Variants in LRBA observed in about 807,000 individuals in gnomAD.
LRBA encodes the protein LPS responsive beige-like anchor protein.
LRBA carries 176 observed loss-of-function variants against 330.0 expected under a neutral mutation model. That is an observed-to-expected ratio of 0.53 (90% CI 0.47 to 0.60). LRBA has a LOEUF of 0.60. Among genes scored for constraint, LRBA ranks in the 20% least tolerant of loss-of-function variants. LRBA has a pLI of 0.00. For missense variants in LRBA, 3,259 were observed against 3,444.8 expected, an observed-to-expected ratio of 0.95 and a Z score of 1.35; for synonymous variants, 1,230 against 1,193.0, an observed-to-expected ratio of 1.03 and a Z score of -0.64.
At chr4:150,967,741 T>A (rs777688036) in intron 2 of LRBA, among the ~76,000 whole-genome samples, 5 of 152,220 alleles carry the variant, frequency 3.3e-5, no homozygotes, top group Non-Finnish European at 7.3e-5. Flanking sequence ...TCATTATTAT[T>A]ATATTTGTTA....
At chr4:150,541,562 G>C (rs185333078) in intron 40 of LRBA, among the ~76,000 whole-genome samples, 3 of 150,630 alleles carry the variant, frequency 2.0e-5, no homozygotes, top group Admixed American at 2.0e-4. Flanking sequence ...TTAAAAAATA[G>C]AATAAATGAT....
intron 37 of LRBA, among the ~76,000 whole-genome samples, chr4:150,660,669 C>T (rs1238495311): frequency 1.1e-4 from 15 of 137,262 alleles, no homozygotes; most frequent in South Asian, 1.0e-3. Flanking sequence ...GGATGGTTGC[C>T]GTGTCTGTGT....
chr4:150,564,723 G>T (rs770158354), intron 40 of LRBA, among the ~76,000 whole-genome samples: 1 of 152,078 alleles, frequency 6.6e-6, no homozygotes, highest in Non-Finnish European at 1.5e-5. Context: ...GTGGGCAAAG[G>T]ATATGAACAG....
At chr4:150,974,846 C>T (rs1739972435) in intron 2 of LRBA, among the ~76,000 whole-genome samples, 1 of 152,110 alleles carries the variant, frequency 6.6e-6, no homozygotes, top group Admixed American at 6.5e-5. Context: ...CAGACTAGCC[C>T]CTGAGTGGCA....
intron 37 of LRBA, among the ~76,000 whole-genome samples, chr4:150,639,360 T>TTAA (rs1554070541): frequency 9.4e-6 from 1 of 106,696 alleles, no homozygotes; most frequent in East Asian, 2.8e-4. Context: ...TAAAGTATAA[T>TTAA]AAAAAAAAAA....
At chr4:150,906,539 C>A in intron 11 of LRBA, 134 bp from the exon 12 acceptor site, 1 of 552,280 alleles carries the variant, frequency 1.8e-6, no homozygotes, top group Admixed American at 3.2e-5. Context: ...TCCACTAAAA[C>A]TGCTTCCAAC....
At chr4:150,410,145 C>G (rs1262562007) in intron 47 of LRBA, among the ~76,000 whole-genome samples, 2 of 151,932 alleles carry the variant, frequency 1.3e-5, no homozygotes, top group African/African-American at 4.8e-5. Flanking sequence ...TGTCATTTCC[C>G]CACTCTTGTT....
chr4:150,471,173 T>C (rs1252497516), intron 43 of LRBA, among the ~76,000 whole-genome samples: 2 of 152,234 alleles, frequency 1.3e-5, no homozygotes, highest in African/African-American at 4.8e-5. Flanking sequence ...ATTCTTGCTC[T>C]CTAGGTATAC....
chr4:150,627,429 C>T (rs1257738646), intron 37 of LRBA, among the ~76,000 whole-genome samples: 1 of 151,870 alleles, frequency 6.6e-6, no homozygotes, highest in Non-Finnish European at 1.5e-5. Flanking sequence ...TTAGTATAAA[C>T]ACAAGGGTAG....
chr4:150,335,502 T>C (rs965400265), intron 48 of LRBA, among the ~76,000 whole-genome samples: 8 of 144,522 alleles, frequency 5.5e-5, no homozygotes, highest in Non-Finnish European at 1.2e-4. Flanking sequence ...TATATATATA[T>C]ACACACACAT....
chr4:150,540,272 T>G (rs1354615290), intron 40 of LRBA, among the ~76,000 whole-genome samples: 2 of 152,226 alleles, frequency 1.3e-5, no homozygotes, highest in African/African-American at 4.8e-5. Context: ...CAGGCTGAAG[T>G]GCAGTGGCGC....
chr4:150,826,185 TG>T (rs773285744), intron 30 of LRBA, among the ~76,000 whole-genome samples: 1 of 152,094 alleles, frequency 6.6e-6, no homozygotes. Flanking sequence ...CAGCAAAGGA[TG>T]ATCAAGATAA....
chr4:150,809,103 C>T (rs716474), intron 31 of LRBA, among the ~76,000 whole-genome samples: 19,810 of 152,012 alleles, frequency 0.13, 2,752 homozygotes, highest in African/African-American at 0.36. Context: ...AGGAGGAAAT[C>T]CAAGGAAAAG....
intron 37 of LRBA, among the ~76,000 whole-genome samples, chr4:150,660,534 G>A (rs1366370537): frequency 2.6e-5 from 4 of 151,014 alleles, no homozygotes; most frequent in South Asian, 4.2e-4. Context: ...GGTGAGGGGC[G>A]CCTCTGCCCA....
intron 40 of LRBA, among the ~76,000 whole-genome samples, chr4:150,587,111 ATG>A (rs775997489): frequency 3.9e-5 from 6 of 152,184 alleles, no homozygotes; most frequent in Non-Finnish European, 2.9e-5. Context: ...TGCTAGAAAT[ATG>A]TGTGAGACAT....
At chr4:150,682,076 T>A (rs779953538) in intron 37 of LRBA, among the ~76,000 whole-genome samples, 1 of 152,194 alleles carries the variant, frequency 6.6e-6, no homozygotes, top group Non-Finnish European at 1.5e-5. Context: ...ATGTGTTTAT[T>A]TTAAAACTGC....
chr4:150,762,421 G>T (rs1332844094), intron 34 of LRBA, among the ~76,000 whole-genome samples: 2 of 151,638 alleles, frequency 1.3e-5, no homozygotes, highest in African/African-American at 2.4e-5. Context: ...TGATCCATTT[G>T]AAATTTACCC....
chr4:150,966,785 T>C (rs1355058859), intron 2 of LRBA, among the ~76,000 whole-genome samples: 1 of 152,202 alleles, frequency 6.6e-6, no homozygotes, highest in African/African-American at 2.4e-5. Context: ...GCAGCCTGTA[T>C]TTCTCAAAAC....
intron 36 of LRBA, among the ~76,000 whole-genome samples, chr4:150,696,386 C>G (rs1034631599): frequency 1.3e-5 from 2 of 152,180 alleles, no homozygotes; most frequent in Non-Finnish European, 2.9e-5. Context: ...GGTTTTGACA[C>G]ATTCATGCTT....
Sources: allele counts gnomAD v4.1 joint callset (sites outside exome capture counted in the v4.1 genomes callset), GRCh38; gene constraint gnomAD v4.1.1; transcripts MANE v1.5; gene names NCBI Gene and HGNC (gene_info 2026-07-23, HGNC 2026-07-21).